Variants in FRMD4B observed in about 807,000 individuals in gnomAD.
FRMD4B encodes FERM domain-containing protein 4B.
Under a neutral mutation model 141.5 loss-of-function variants are expected in FRMD4B, and 74 were observed. The observed-to-expected ratio is 0.52, with a 90% confidence interval of 0.43 to 0.63. The LOEUF is 0.63. Among genes scored for constraint, FRMD4B ranks in the 30% least tolerant of loss-of-function variants. The pLI is 0.00. For synonymous variants in FRMD4B, 506 were observed against 467.9 expected, an observed-to-expected ratio of 1.08 and a Z score of -1.05; for missense variants, 1,366 against 1,253.4, an observed-to-expected ratio of 1.09 and a Z score of -1.36.
chr3:69,186,343 T>A (rs2092767474), intron 19 of FRMD4B, among the ~76,000 whole-genome samples: 1 of 149,796 alleles, frequency 6.7e-6, no homozygotes, highest in African/African-American at 2.5e-5. Flanking sequence ...AATCCTGGGC[T>A]CAAGCAATCC....
chr3:69,184,396 T>C (rs551436267), intron 19 of FRMD4B, among the ~76,000 whole-genome samples: 1 of 152,372 alleles, frequency 6.6e-6, no homozygotes, highest in African/African-American at 2.4e-5. Context: ...CCTAACATTT[T>C]ATGTTGCTTA....
intron 10 of FRMD4B, 80 bp from the exon 11 acceptor site, chr3:69,216,429 CTTT>C (rs397990009): frequency 0.017 from 6,321 of 376,122 alleles, no homozygotes; most frequent in Middle Eastern, 0.023. Context: ...AATTTCACCT[CTTT>C]TTTTTTTTTT....
At chr3:69,476,591 G>A (rs1184245637) in intron 1 of FRMD4B, among the ~76,000 whole-genome samples, 1 of 152,176 alleles carries the variant, frequency 6.6e-6, no homozygotes, top group Non-Finnish European at 1.5e-5. Flanking sequence ...GTACCCTGCT[G>A]TTTTGGTTAC....
At chr3:69,510,409 A>G (rs1490173811) in intron 1 of FRMD4B, among the ~76,000 whole-genome samples, 1 of 152,204 alleles carries the variant, frequency 6.6e-6, no homozygotes, top group East Asian at 1.9e-4. Flanking sequence ...CTCCTTGATA[A>G]TGAATTGCCT....
rs72934841 is a variant in FRMD4B, at chr3:69,295,822, T to C, written c.416+6521A>G. 9.4e-3 allele frequency among the ~76,000 whole-genome samples: 1,429 copies of C among 152,162 alleles called. 23 individuals carry two copies. Among genetic ancestry groups the C allele is most frequent in the African/African-American group, 0.033 (1,378 of 41,510 alleles). ...CTTCACAATATGGTTTCTTTCTTTC[T>C]TTTTTTCTTTTGGAGACAGGGTCTT... On this transcript the variant is annotated intron_variant, in intron 4 of 22. Coordinates refer to ENST00000398540, the MANE Select transcript of FRMD4B (RefSeq NM_015123.3).
intron 1 of FRMD4B, among the ~76,000 whole-genome samples, chr3:69,449,471 G>A (rs1427656149): frequency 6.6e-6 from 1 of 152,160 alleles, no homozygotes; most frequent in African/African-American, 2.4e-5. Flanking sequence ...CATTTGCCAG[G>A]AGGTGAAAAA....
intron 19 of FRMD4B, among the ~76,000 whole-genome samples, chr3:69,184,002 C>A (rs944413429): frequency 3.5e-4 from 53 of 152,034 alleles, no homozygotes; most frequent in African/African-American, 1.3e-3. Context: ...TTCGAGTGAT[C>A]CTCCCACCTC....
intron 1 of FRMD4B, among the ~76,000 whole-genome samples, chr3:69,481,757 C>G (rs1312664590): frequency 6.6e-6 from 1 of 152,136 alleles, no homozygotes; most frequent in African/African-American, 2.4e-5. Context: ...TAGGGCCCCA[C>G]ATTCAAGAAT....
chr3:69,475,494 A>G lies in FRMD4B; in HGVS notation c.-128-42733T>C, dbSNP rs1181618120. 3.3e-5 allele frequency among the ~76,000 whole-genome samples: 5 copies of G among 152,102 alleles called. No homozygotes were observed. In the East Asian group the frequency reaches 9.7e-4, roughly 30 times the overall value. On this transcript the variant is annotated intron_variant, in intron 1 of 5. Transcript: ENST00000459638. ...TTCTTACGATAGTTTACTGAGAATG[A>G]TGATTTCCAATTTCATCCATGTCCC...
chr3:69,245,028 T>C (rs1676122859), intron 7 of FRMD4B, among the ~76,000 whole-genome samples: 1 of 152,222 alleles, frequency 6.6e-6, no homozygotes, highest in Non-Finnish European at 1.5e-5. Flanking sequence ...GTCCATCATG[T>C]CCATCAATTT....
intron 1 of FRMD4B, among the ~76,000 whole-genome samples, chr3:69,321,774 G>C (rs1486222526): frequency 6.6e-6 from 1 of 151,986 alleles, no homozygotes; most frequent in African/African-American, 2.4e-5. Flanking sequence ...GAGTACAGTG[G>C]CACAACCATG....
At chr3:69,484,549 T>C (rs1559542009) in intron 1 of FRMD4B, among the ~76,000 whole-genome samples, 1 of 152,108 alleles carries the variant, frequency 6.6e-6, no homozygotes, top group Non-Finnish European at 1.5e-5. Flanking sequence ...CCGCAGTGAT[T>C]AGCTCCTATC....
At chr3:69,523,822 G>A (rs1287428420) in intron 1 of FRMD4B, among the ~76,000 whole-genome samples, 1 of 152,124 alleles carries the variant, frequency 6.6e-6, no homozygotes. Context: ...AAAAAATGCT[G>A]ACAATGAAGA....
intron 1 of FRMD4B, among the ~76,000 whole-genome samples, chr3:69,360,596 T>C (rs1163016275): frequency 6.6e-6 from 1 of 152,186 alleles, no homozygotes; most frequent in African/African-American, 2.4e-5. Flanking sequence ...CTCCTCTCTC[T>C]CTCATTGCAA....
chr3:69,501,313 T>C (rs1428571840), intron 1 of FRMD4B, among the ~76,000 whole-genome samples: 1 of 150,542 alleles, frequency 6.6e-6, no homozygotes, highest in Admixed American at 6.7e-5. Context: ...TCTTCCAGTG[T>C]GGCTCAGGGA....
intron 5 of FRMD4B, among the ~76,000 whole-genome samples, chr3:69,253,203 TTG>T: frequency 7.0e-6 from 1 of 143,862 alleles, no homozygotes. Flanking sequence ...TTTTTTTTTT[TTG>T]CAGATGATGG....
intron 19 of FRMD4B, among the ~76,000 whole-genome samples, chr3:69,185,330 G>A (rs4855362): frequency 0.96 from 144,333 of 150,746 alleles, 69,372 homozygotes; most frequent in Non-Finnish European, 1. Flanking sequence ...AAGAAAAAAA[G>A]AAGAAACATA....
At chr3:69,352,513 A>G (rs1187733165) in intron 1 of FRMD4B, among the ~76,000 whole-genome samples, 1 of 152,138 alleles carries the variant, frequency 6.6e-6, no homozygotes, top group South Asian at 2.1e-4. Context: ...GGAGTTTTGC[A>G]GTCTACTGGA....
intron 1 of FRMD4B, among the ~76,000 whole-genome samples, chr3:69,480,978 A>G (rs1706111702): frequency 1.3e-5 from 2 of 152,150 alleles, no homozygotes; most frequent in Non-Finnish European, 2.9e-5. Context: ...TGTGCTAGCA[A>G]TCAGCGAGAC....
Sources: gnomAD v4.1 joint callset for allele counts (sites outside exome capture counted in the v4.1 genomes callset) on GRCh38, gnomAD v4.1.1 for gene constraint, MANE v1.5 for transcripts, NCBI Gene and HGNC (gene_info 2026-07-23, HGNC 2026-07-21) for gene names.